AHDC1: variants seen among roughly 807,000 people sequenced by gnomAD.
AHDC1 encodes transcription factor Gibbin.
A neutral mutation model predicts 87.9 loss-of-function variants in AHDC1; 7 were observed. The observed-to-expected ratio is 0.08, with a 90% confidence interval of 0.05 to 0.15. The LOEUF (loss-of-function observed/expected upper bound fraction) is 0.15, where lower values mean the gene tolerates loss of function less well. AHDC1 is among the 10% of genes least tolerant of loss of function. The probability of loss-of-function intolerance (pLI) is 1.00; values close to 1 mark genes in which losing one functional copy is unlikely to be tolerated. For synonymous variants in AHDC1, 1,051 were observed against 1,006.8 expected, an observed-to-expected ratio of 1.04 and a Z score of -0.83; for missense variants, 1,841 against 2,253.2, an observed-to-expected ratio of 0.82 and a Z score of 3.70.
chr1:27,575,672 C>T (rs1296793647), intron 3 of AHDC1, among the ~76,000 whole-genome samples: 12 of 151,570 alleles, frequency 7.9e-5, no homozygotes, highest in African/African-American at 2.9e-4. Context: ...CCGCGCGGCC[C>T]GCCCTCGGCC....
intron 8 of AHDC1, among the ~76,000 whole-genome samples, chr1:27,536,203 C>G (rs918422266): frequency 2.0e-5 from 3 of 152,234 alleles, no homozygotes; most frequent in African/African-American, 7.2e-5. Context: ...TTCTGCTCAG[C>G]CTCGGCTGCT....
intron 5 of AHDC1, among the ~76,000 whole-genome samples, chr1:27,554,013 G>C (rs2019693238): frequency 6.6e-6 from 1 of 152,194 alleles, no homozygotes; most frequent in Non-Finnish European, 1.5e-5. Flanking sequence ...TGGCTGCTCT[G>C]AGCTATGATC....
Position 27,547,214 on chromosome 1 carries a change from TCCCACCCCCAGGCCTCTG to T in AHDC1, c.*43+29_*43+46del. The T allele has an allele frequency of 7.5e-7, 1 of 1,334,976 alleles. No individual in the cohort carries two copies. Among genetic ancestry groups the T allele is most frequent in the Non-Finnish European group, 1.0e-6 (1 of 982,196 alleles). 82.7% of individuals were successfully genotyped at this position (1,334,976 alleles called of 1,614,324 possible). ...CCTTGCCTAAGCTCTGATGTCCTCT[TCCCACCCCCAGGCCTCTG>T]CCCACTGCGCCCACATCCCCAGACT... is the stretch of plus-strand genomic sequence containing the variant. On this transcript the variant is annotated intron_variant, in intron 8 of 8. Coordinates refer to ENST00000673934, the MANE Select transcript of AHDC1 (RefSeq NM_001371928.1). This position sits in a 1 kb window ranked among gnomAD's most constrained non-coding sequence, Gnocchi z 4.9.
intron 3 of AHDC1, among the ~76,000 whole-genome samples, chr1:27,581,585 C>G (rs1047387249): frequency 6.6e-6 from 1 of 152,202 alleles, no homozygotes; most frequent in Non-Finnish European, 1.5e-5. Flanking sequence ...TCCAAGTGGT[C>G]TCTCTGATCT....
intron 3 of AHDC1, among the ~76,000 whole-genome samples, chr1:27,596,696 C>A (rs1036385518): frequency 6.6e-6 from 1 of 152,154 alleles, no homozygotes; most frequent in Non-Finnish European, 1.5e-5. Flanking sequence ...TGCACGCTCA[C>A]ACATGCAGTT....
In AHDC1 at chr1:27,547,459, T is replaced by C; in HGVS notation, c.4657A>G (p.Arg1553Gly). Residue 1553 changes from arginine to glycine, a missense_variant, in exon 8 of 9, where the codon AGG becomes GGG. Physicochemically the swap from Arg to Gly is moderately radical, Grantham distance 125. Around this residue, in one of 13 missense-constraint regions of AHDC1, gnomAD observed 505 missense variants for 626.2 expected, o/e 0.81. Coordinates refer to ENST00000673934, the MANE Select transcript of AHDC1 (RefSeq NM_001371928.1). This position sits in a 1 kb window ranked among gnomAD's most constrained non-coding sequence, Gnocchi z 4.9. ...LSDLTLSPVP[R>G]DSLLPLQDTA... ...TCCTGCAGGGGCAGCAGCGAGTCCC[T>C]CGGCACGGGGGACAGGGTCAAGTCA... is the stretch of plus-strand genomic sequence containing the variant. 2 of 1,593,346 alleles carry C rather than the reference T, an allele frequency of 1.3e-6. No individual in the cohort carries two copies. Among genetic ancestry groups the C allele is most frequent in the Non-Finnish European group, 1.7e-6 (2 of 1,165,184 alleles).
intron 8 of AHDC1, among the ~76,000 whole-genome samples, chr1:27,539,202 T>C (rs569818088): frequency 6.7e-6 from 1 of 150,092 alleles, no homozygotes; most frequent in East Asian, 2.0e-4. Context: ...TGCAGTGTCA[T>C]GATCGAGGGT....
intron 7 of AHDC1, chr1:27,552,638 C>T (rs1465682731): frequency 6.6e-6 from 1 of 152,600 alleles, no homozygotes; most frequent in Non-Finnish European, 1.5e-5. Context: ...CTCAGATGAT[C>T]CACTTGCCTC....
intron 3 of AHDC1, among the ~76,000 whole-genome samples, chr1:27,602,029 G>A (rs1430929994): frequency 6.6e-6 from 1 of 152,150 alleles, no homozygotes. Context: ...CCCCCCAAGG[G>A]TCCCTCCTTG....
intron 3 of AHDC1, among the ~76,000 whole-genome samples, chr1:27,596,397 G>A (rs1445471713): frequency 2.0e-5 from 3 of 152,096 alleles, no homozygotes; most frequent in African/African-American, 7.3e-5. Flanking sequence ...CAGTCCTCAC[G>A]GAGGCTCCTT....
Position 27,547,297 on chromosome 1 carries a change from G to A in AHDC1, c.*7C>T, listed in dbSNP as rs1356900986. 6.6e-7 allele frequency: 1 copy of A among 1,522,828 alleles called. No individual in the cohort carries two copies. The highest frequency in any genetic ancestry group is 1.4e-5 in the African/African-American group (1 of 71,954). 94.3% of individuals were successfully genotyped at this position (1,522,828 alleles called of 1,614,324 possible). A position where few individuals can be genotyped will look rare whatever the true frequency, so the allele number is the denominator to read the frequency against. ...ACCTCGCGGTCCAGTCGGCACTTCA[G>A]TTGGCACTACAGGGATGTGACGGTG... On this transcript the variant is annotated 3_prime_UTR_variant, in exon 8 of 9. Coordinates refer to ENST00000673934, the MANE Select transcript of AHDC1 (RefSeq NM_001371928.1). The surrounding 1 kb of genome is among the most constrained non-coding windows in gnomAD (Gnocchi z 4.9).
chr1:27,572,280 G>T (rs1247144962), intron 3 of AHDC1, among the ~76,000 whole-genome samples: 1 of 152,138 alleles, frequency 6.6e-6, no homozygotes, highest in African/African-American at 2.4e-5. Context: ...GGGGCTTGAG[G>T]CTGCCTGCCT....
At chr1:27,559,083 G>A (rs1343137474) in intron 3 of AHDC1, among the ~76,000 whole-genome samples, 200 bp from the exon 4 acceptor site, 2 of 151,000 alleles carry the variant, frequency 1.3e-5, no homozygotes, top group Non-Finnish European at 1.5e-5. Context: ...GCCTCATCTC[G>A]TTTTGTGGCC....
chr1:27,541,001 TA>T (rs55912405), intron 8 of AHDC1, among the ~76,000 whole-genome samples: 22,994 of 72,572 alleles, frequency 0.32, 2,894 homozygotes, highest in East Asian at 0.41. Context: ...CTAAAAATGC[TA>T]AAAAAAAAAA....
In AHDC1 at chr1:27,551,547, G is replaced by A. The variant is rs372261801; in HGVS notation, c.569C>T (p.Ser190Leu). 5.0e-6 allele frequency: 8 copies of A among 1,606,738 alleles called. No homozygotes were observed. Among genetic ancestry groups the A allele is most frequent in the African/African-American group, 2.7e-5 (2 of 74,838 alleles). The change falls in exon 8 of 9, where the codon TCG becomes TTG. Residue 190 changes from serine (S) to leucine (L), a missense_variant. This residue lies in a region of AHDC1 where 370 missense variants were observed against 391.5 expected (regional missense o/e 0.95). Coordinates refer to ENST00000673934, the MANE Select transcript of AHDC1 (RefSeq NM_001371928.1). ...PEERATPHAK[S>L]ERPSHPLYEP... ...GTAGAGGGGATGGCTGGGCCGCTCC[G>A]ACTTGGCGTGTGGGGTGGCCCGCTC...
chr1:27,593,319 C>T lies in AHDC1; in HGVS notation c.-629+10078G>A, dbSNP rs1043969053. Among the ~76,000 whole-genome samples the T allele has an allele frequency of 2.6e-5, 4 of 152,126 alleles. No individual in the cohort carries two copies. The highest frequency in any genetic ancestry group is 9.7e-5 in the African/African-American group (4 of 41,422). On this transcript the variant is annotated intron_variant, in intron 3 of 8. Coordinates refer to ENST00000673934, the MANE Select transcript of AHDC1 (RefSeq NM_001371928.1). The surrounding 1 kb of genome is among the most constrained non-coding windows in gnomAD (Gnocchi z 4.9). ...CAGAGACCCTCCTGCCTGCAGCAAT[C>T]TTTAAAATTCCTCCAGCCCAACCTC...
intron 3 of AHDC1, among the ~76,000 whole-genome samples, chr1:27,567,116 G>A (rs1247175094): frequency 2.0e-5 from 3 of 152,082 alleles, no homozygotes; most frequent in South Asian, 2.1e-4. Context: ...TCCTGCATGC[G>A]CCTCAGGCTG....
chr1:27,567,525 AT>A (rs1447711453), intron 3 of AHDC1, among the ~76,000 whole-genome samples: 61 of 151,980 alleles, frequency 4.0e-4, no homozygotes, highest in Admixed American at 3.2e-3. Context: ...GCCTGGCCCC[AT>A]CCCTGGGGCC....
In AHDC1 at chr1:27,587,028, T is replaced by C. The variant is rs375656938; in HGVS notation, c.-629+16369A>G. Among the ~76,000 whole-genome samples the C allele has an allele frequency of 4.0e-4, 61 of 152,326 alleles. No homozygotes were observed. The South Asian group carries it at 6.8e-3, about 17-fold the overall frequency. On this transcript the variant is annotated intron_variant, in intron 3 of 8. Transcript: ENST00000673934. The stretch of plus-strand genomic sequence containing the variant: ...GAGGACCCCTCACTTTCCTCCACTT[T>C]TGGCTTAGGATGCTCTGGAAGAAAG...
Sources: gnomAD v4.1 joint callset for allele counts (sites outside exome capture counted in the v4.1 genomes callset) on GRCh38, gnomAD v4.1.1 for gene constraint, gnomAD v4.1.1 regional missense constraint, Gnocchi (gnomAD v3.1) non-coding constraint, MANE v1.5 for transcripts, NCBI Gene and HGNC (gene_info 2026-07-23, HGNC 2026-07-21) for gene names.